Variants in LBR observed in about 807,000 individuals in gnomAD.
LBR encodes lamin B receptor.
Under a neutral mutation model 74.3 loss-of-function variants are expected in LBR, and 28 were observed. The ratio of observed to expected loss-of-function variants is 0.38; its 90% CI spans 0.28 to 0.52. The LOEUF (loss-of-function observed/expected upper bound fraction) is 0.52, where lower values mean the gene tolerates loss of function less well. Ranked by LOEUF, LBR falls within the 20% of genes least tolerant of loss-of-function variation. The pLI is 0.89. For missense variants in LBR, 717 were observed against 760.3 expected, an observed-to-expected ratio of 0.94 and a Z score of 0.67; for synonymous variants, 228 against 269.3, an observed-to-expected ratio of 0.85 and a Z score of 1.50.
chr1:225,414,301 A>C (rs2150951808), intron 7 of LBR: 1 of 362,368 alleles, frequency 2.8e-6, no homozygotes, highest in African/African-American at 2.1e-5. Context: ...CAGACAGAGT[A>C]GATGCTGCGT....
intron 2 of LBR, among the ~76,000 whole-genome samples, chr1:225,422,991 G>A (rs181246653): frequency 6.6e-5 from 10 of 152,262 alleles, no homozygotes; most frequent in African/African-American, 1.4e-4. Flanking sequence ...GCCTGGAGCC[G>A]CTCCCATAAA....
At chr1:225,417,664 C>A in intron 6 of LBR, 1 of 253,284 alleles carries the variant, frequency 3.9e-6, no homozygotes, top group Non-Finnish European at 7.7e-6. Context: ...TGCAAAATAG[C>A]CTATTCTTTT....
chr1:225,428,425 C>T (rs1254523349), upstream of LBR, among the ~76,000 whole-genome samples: 3 of 152,170 alleles, frequency 2.0e-5, no homozygotes, highest in Non-Finnish European at 4.4e-5. Context: ...GGTGGCTTGG[C>T]GAACGAGATT....
At chr1:225,411,484 G>T in intron 8 of LBR, 44 bp from the exon 9 acceptor site, 1 of 1,440,302 alleles carries the variant, frequency 6.9e-7, no homozygotes, top group Non-Finnish European at 9.8e-7. Flanking sequence ...TCCAAACCCA[G>T]TCAGGAGGCT....
Position 225,422,155 on chromosome 1 carries a change from T to TCGG in LBR, c.285_287dup (p.Arg96dup). ...CGGCCTGGTGGGAAGCAGAAGCAGA[T>TCGG]CGGCGGGCACTTTTAGGTGGTCGAC... is the stretch of plus-strand genomic sequence containing the variant. On this transcript the variant is annotated inframe_insertion, in exon 3 of 14. Coordinates refer to ENST00000272163, the MANE Select transcript of LBR (RefSeq NM_002296.4). The TCGG allele has an allele frequency of 6.2e-7, 1 of 1,614,098 alleles. No homozygotes were observed. Among genetic ancestry groups the TCGG allele is most frequent in the Non-Finnish European group, 8.5e-7 (1 of 1,180,034 alleles).
In LBR at chr1:225,402,151, C is replaced by T. The variant is rs573671761; in HGVS notation, c.*1152G>A. The T allele has an allele frequency of 2.0e-5, 3 of 152,178 alleles. No individual in the cohort carries two copies. Among genetic ancestry groups the T allele is most frequent in the African/African-American group, 7.2e-5 (3 of 41,434 alleles). 9.4% of individuals were successfully genotyped at this position (152,178 alleles called of 1,614,324 possible). A position where few individuals can be genotyped will look rare whatever the true frequency, so the allele number is the denominator to read the frequency against. ...TAAACTAAAAGAAACGACTTTAACCCCTTCAGTTGTTTTTAAGACAGCACT... is the reference window on the plus strand; with the variant it reads ...TAAACTAAAAGAAACGACTTTAACCTCTTCAGTTGTTTTTAAGACAGCACT... On this transcript the variant is annotated 3_prime_UTR_variant, in exon 14 of 14. Transcript: ENST00000272163.
At chr1:225,408,528 T>C (rs1302440568) in intron 10 of LBR, among the ~76,000 whole-genome samples, 2 of 152,238 alleles carry the variant, frequency 1.3e-5, no homozygotes, top group Non-Finnish European at 2.9e-5. Context: ...GTCATGCATA[T>C]TTAAACAGGT....
At chr1:225,421,014 C>A (rs981056467) in intron 3 of LBR, among the ~76,000 whole-genome samples, 1 of 152,130 alleles carries the variant, frequency 6.6e-6, no homozygotes, top group Admixed American at 6.5e-5. Context: ...CACTAAATGT[C>A]TATCATTGAC....
upstream of LBR, among the ~76,000 whole-genome samples, chr1:225,428,390 G>A (rs1411385613): frequency 1.3e-5 from 2 of 152,198 alleles, no homozygotes; most frequent in African/African-American, 4.8e-5. Context: ...CCCTCCCAGC[G>A]CTCGCAGCAG....
At chr1:225,415,132 C>A in intron 7 of LBR, 146 bp downstream of exon 7, 1 of 610,500 alleles carries the variant, frequency 1.6e-6, no homozygotes, top group Non-Finnish European at 3.0e-6. Context: ...TACAAGTTGG[C>A]TACAGGTATA....
Position 225,412,657 on chromosome 1 carries a change from A to C in LBR, c.893-12T>G, listed in dbSNP as rs779038682. On this transcript the variant is annotated splice_polypyrimidine_tract_variant and intron_variant, in intron 7 of 13. Transcript: ENST00000272163. Reference sequence around the variant, plus strand: ...AAAAGCATAGAATCCTTTAAAAAAAAAAAAAAAAGGAAGTGGAAAATTAAT... The same window carrying C: ...AAAAGCATAGAATCCTTTAAAAAAACAAAAAAAAGGAAGTGGAAAATTAAT... 1.5e-5 allele frequency: 24 copies of C among 1,602,952 alleles called. No homozygotes were observed. The South Asian group carries it at 2.6e-4, about 17-fold the overall frequency.
chr1:225,417,193 G>T (rs2096118876), intron 6 of LBR, among the ~76,000 whole-genome samples: 1 of 152,114 alleles, frequency 6.6e-6, no homozygotes, highest in Admixed American at 6.5e-5. Flanking sequence ...CTAAAGTTAT[G>T]GTCTCACTCC....
Position 225,404,482 on chromosome 1 carries a change from A to C in LBR, c.1609T>G (p.Ser537Ala), listed in dbSNP as rs80299691. The C allele has an allele frequency of 8.9e-4, 1,442 of 1,613,984 alleles. 9 individuals carry two copies. In the African/African-American group the frequency reaches 0.016, roughly 18 times the overall value. Residue 537 changes from serine to alanine, a missense_variant, in exon 13 of 14, where the codon TCT becomes GCT. Transcript: ENST00000272163. ...TGGCGAACAAAGCCCCACCATCCAG[A>C]AACTAGAAGATTTTTTCCCGTTGAA... ...HTSTGKNLLV[S>A]GWWGFVRHPN...
At chr1:225,404,582 AC>A in intron 12 of LBR, 43 bp downstream of exon 12, 1 of 1,561,298 alleles carries the variant, frequency 6.4e-7, no homozygotes, top group Non-Finnish European at 8.7e-7. Context: ...GAAAAATAAA[AC>A]CTTCATGTAA....
chr1:225,419,364 A>C lies in LBR; in HGVS notation c.539T>G (p.Ile180Arg), dbSNP rs1344394948. The C allele has an allele frequency of 6.2e-7, 1 of 1,614,016 alleles. No homozygotes were observed. Among genetic ancestry groups the C allele is most frequent in the Non-Finnish European group, 8.5e-7 (1 of 1,179,898 alleles). The stretch of plus-strand genomic sequence containing the variant: ...AACGTATTTTTCTTCCTTAGAATCT[A>C]TTTCTTTTAATTTGACTTCTTCTCT... ...PRREEVKLKE[I>R]DSKEEKYVAK... is the part of the protein sequence containing the mutation. Residue 180 changes from isoleucine to arginine, a missense_variant, in exon 5 of 14, where the codon ATA (isoleucine) becomes AGA (arginine). Coordinates refer to ENST00000272163, the MANE Select transcript of LBR (RefSeq NM_002296.4).
intron 10 of LBR, 112 bp from the exon 11 acceptor site, chr1:225,406,944 A>G (rs1373727025): frequency 4.8e-5 from 49 of 1,017,290 alleles, no homozygotes; most frequent in Non-Finnish European, 7.1e-5. Context: ...GTCCACAATC[A>G]ACATTTTTTT....
intron 1 of LBR, among the ~76,000 whole-genome samples, chr1:225,425,140 A>C (rs1398674935): frequency 1.3e-5 from 2 of 152,228 alleles, no homozygotes; most frequent in African/African-American, 4.8e-5. Flanking sequence ...ATGATACAAT[A>C]AAAGCAACAT....
Position 225,422,174 on chromosome 1 carries a change from G to A in LBR, c.269C>T (p.Pro90Leu). 1 of 1,614,042 alleles carries A rather than the reference G, an allele frequency of 6.2e-7. No individual in the cohort carries two copies. Among genetic ancestry groups the A allele is most frequent in the Non-Finnish European group, 8.5e-7 (1 of 1,180,046 alleles). ...AGCAGATCGGCGGGCACTTTTAGGT[G>A]GTCGACCAGGGGATCGGGAGCGTGA... is the stretch of plus-strand genomic sequence containing the variant. ...SRSRSRSPGRPPKSARRSASA... is the reference protein window; with the variant it reads ...SRSRSRSPGRLPKSARRSASA... The change falls in exon 3 of 14, where the codon CCA (proline) becomes CTA (leucine). Residue 90 changes from proline (P) to leucine (L), a missense_variant. Pro to Leu is a moderately conservative substitution (Grantham distance 98, BLOSUM62 -3). Coordinates refer to ENST00000272163, the MANE Select transcript of LBR (RefSeq NM_002296.4).
chr1:225,404,706 A>T lies in LBR; in HGVS notation c.1484T>A (p.Leu495His), dbSNP rs746777423. 2 of 1,600,410 alleles carry T rather than the reference A, an allele frequency of 1.2e-6. No homozygotes were observed. Among genetic ancestry groups the T allele is most frequent in the Non-Finnish European group, 1.7e-6 (2 of 1,169,414 alleles). Reference protein sequence around the residue: ...PMASLIIVLKLCGYVIFRGAN... With the variant: ...PMASLIIVLKHCGYVIFRGAN... ...ACCTCGGAAGATTACATAACCACAA[A>T]CTGCAATTTTAAAATATTTTCCTAT... is the stretch of plus-strand genomic sequence containing the variant. The change falls in exon 12 of 14, where the codon CTT becomes CAT. Residue 495 changes from leucine (L) to histidine (H), a missense_variant and splice_region_variant. Transcript: ENST00000272163.
Sources: allele counts gnomAD v4.1 joint callset (sites outside exome capture counted in the v4.1 genomes callset), GRCh38; gene constraint gnomAD v4.1.1; transcripts MANE v1.5; gene names NCBI Gene and HGNC (gene_info 2026-07-23, HGNC 2026-07-21).